Variants in CUX2 observed in about 807,000 individuals in gnomAD.
CUX2 encodes homeobox protein cut-like 2.
A neutral mutation model predicts 144.8 loss-of-function variants in CUX2; 40 were observed. That is an observed-to-expected ratio of 0.28 (90% CI 0.21 to 0.36). The LOEUF (loss-of-function observed/expected upper bound fraction) is 0.36. CUX2 is among the 10% of genes least tolerant of loss of function. The pLI, the probability that CUX2 is intolerant of heterozygous loss-of-function variation, is 1.00. For synonymous variants in CUX2, 827 were observed against 875.6 expected (o/e 0.94, Z 0.98); for missense variants, 1,615 against 1,994.0 (o/e 0.81, Z 3.62).
chr12:111,066,624 A>G lies in CUX2; in HGVS notation c.63+32384A>G, dbSNP rs531494665. 2.0e-5 allele frequency among the ~76,000 whole-genome samples: 3 copies of G among 152,320 alleles called. No individual in the cohort carries two copies. In the East Asian group the frequency reaches 5.8e-4, roughly 29 times the overall value. Reference sequence around the variant, plus strand: ...GAGGGGAGTTCACTTTATACAAGTGACAAGTATCTCTGCTAGAGGACACCA... The same window carrying G: ...GAGGGGAGTTCACTTTATACAAGTGGCAAGTATCTCTGCTAGAGGACACCA... On this transcript the variant is annotated intron_variant, in intron 1 of 21. Transcript: ENST00000261726.
At chr12:111,078,813 G>A (rs561693587) in intron 1 of CUX2, among the ~76,000 whole-genome samples, 1 of 152,280 alleles carries the variant, frequency 6.6e-6, no homozygotes, top group East Asian at 1.9e-4. Context: ...GGAGACCCCT[G>A]AGGGGTCTAC....
intron 4 of CUX2, among the ~76,000 whole-genome samples, chr12:111,281,795 T>G (rs1452994960): frequency 3.9e-5 from 6 of 152,104 alleles, no homozygotes; most frequent in Non-Finnish European, 8.8e-5. Flanking sequence ...AGGAGGCAGA[T>G]GCCAAGACAG....
intron 1 of CUX2, among the ~76,000 whole-genome samples, chr12:111,192,258 C>G (rs1004432551): frequency 2.6e-5 from 4 of 152,030 alleles, no homozygotes; most frequent in African/African-American, 9.7e-5. Context: ...TCCTGAGTAG[C>G]TAGGACTACA....
intron 1 of CUX2, among the ~76,000 whole-genome samples, chr12:111,088,738 C>T (rs775355191): frequency 1.3e-5 from 2 of 152,146 alleles, no homozygotes; most frequent in Non-Finnish European, 2.9e-5. Flanking sequence ...AGGCCCTGAG[C>T]CCTTAGTTCT....
intron 3 of CUX2, among the ~76,000 whole-genome samples, chr12:111,261,585 G>A (rs933528844): frequency 6.6e-6 from 1 of 152,094 alleles, no homozygotes. Flanking sequence ...ACTCACTCTT[G>A]TCCATCTAAG....
intron 1 of CUX2, among the ~76,000 whole-genome samples, chr12:111,096,380 A>T (rs1872816609): frequency 6.6e-6 from 1 of 152,130 alleles, no homozygotes; most frequent in East Asian, 1.9e-4. Context: ...AGTTGGGTTT[A>T]CCCAAATTAT....
At chr12:111,155,297 T>TTGAA (rs139361955) in intron 1 of CUX2, among the ~76,000 whole-genome samples, 1,763 of 152,162 alleles carry the variant, frequency 0.012, 45 homozygotes, top group African/African-American at 0.04. Flanking sequence ...GTCTTGAGGG[T>TTGAA]TGAATGAATG....
In CUX2 at chr12:111,048,178, G is replaced by T. The variant is rs78225588; in HGVS notation, c.63+13938G>T. Among the ~76,000 whole-genome samples the T allele has an allele frequency of 9.6e-3, 1,455 of 152,286 alleles. 27 individuals are homozygous for T. The highest frequency in any genetic ancestry group is 0.034 in the African/African-American group (1,402 of 41,550). ...TCATGGAAGTGGGAAGATACTGAGG[G>T]TCTAAAACGGGAGAAACGAGATCCA... On this transcript the variant is annotated intron_variant, in intron 1 of 21. Coordinates refer to ENST00000261726, the MANE Select transcript of CUX2 (RefSeq NM_015267.4).
intron 1 of CUX2, among the ~76,000 whole-genome samples, chr12:111,072,364 T>G (rs1386674926): frequency 6.6e-6 from 1 of 152,262 alleles, no homozygotes; most frequent in Non-Finnish European, 1.5e-5. Context: ...TTTATTTATA[T>G]ATAGTATTTA....
intron 21 of CUX2, among the ~76,000 whole-genome samples, chr12:111,342,980 A>T (rs931878270): frequency 2.9e-5 from 4 of 138,762 alleles, no homozygotes; most frequent in African/African-American, 8.2e-5. Context: ...AAAAAAAAAA[A>T]TCCAGCACAT....
intron 1 of CUX2, among the ~76,000 whole-genome samples, chr12:111,118,328 C>T (rs1369452217): frequency 6.6e-6 from 1 of 152,158 alleles, no homozygotes; most frequent in East Asian, 1.9e-4. Context: ...TTTACATCCA[C>T]CAAATGTGTA....
chr12:111,203,167 G>A (rs1880701312), intron 1 of CUX2, among the ~76,000 whole-genome samples: 1 of 150,744 alleles, frequency 6.6e-6, no homozygotes, highest in African/African-American at 2.5e-5. Context: ...AGGAGGCGGA[G>A]GTTGAAGTGA....
intron 18 of CUX2, among the ~76,000 whole-genome samples, chr12:111,326,526 T>C (rs967471564): frequency 1.3e-5 from 2 of 151,912 alleles, no homozygotes; most frequent in African/African-American, 4.8e-5. Context: ...AGACATAGTC[T>C]CACTCTGTCA....
rs1885944749 is a variant in CUX2, at chr12:111,295,747, G to C, written c.637+338G>C. ...AGCCTGGGCAACATGGCAAGACCCTGTCTCTAATTAATTAATTAATTAATT... is the reference window on the plus strand; with the variant it reads ...AGCCTGGGCAACATGGCAAGACCCTCTCTCTAATTAATTAATTAATTAATT... On this transcript the variant is annotated intron_variant, in intron 7 of 21. Coordinates refer to ENST00000261726, the MANE Select transcript of CUX2 (RefSeq NM_015267.4). The surrounding 1 kb of genome is among the most constrained non-coding windows in gnomAD (Gnocchi z 5.0). Among the ~76,000 whole-genome samples, 1 of 140,670 alleles carries C rather than the reference G, an allele frequency of 7.1e-6. No individual in the cohort carries two copies. Among genetic ancestry groups the C allele is most frequent in the Non-Finnish European group, 1.5e-5 (1 of 66,828 alleles). 92.3% of individuals were successfully genotyped at this position (140,670 alleles called of 152,430 possible). A position where few individuals can be genotyped will look rare whatever the true frequency, so the allele number is the denominator to read the frequency against.
chr12:111,163,824 C>T (rs1399020175), intron 1 of CUX2, among the ~76,000 whole-genome samples: 1 of 152,194 alleles, frequency 6.6e-6, no homozygotes, highest in African/African-American at 2.4e-5. Flanking sequence ...CTCACGCCCA[C>T]CCATGCTTGC....
chr12:111,211,886 CA>C (rs1169597609), intron 1 of CUX2, among the ~76,000 whole-genome samples: 2,752 of 84,592 alleles, frequency 0.033, 54 homozygotes, highest in African/African-American at 0.088. Context: ...GACTCCGTCT[CA>C]AAAAAAAAAA....
intron 1 of CUX2, among the ~76,000 whole-genome samples, chr12:111,116,153 A>G (rs979413950): frequency 6.6e-6 from 1 of 152,240 alleles, no homozygotes; most frequent in Admixed American, 6.5e-5. Flanking sequence ...ATTTTTAAAA[A>G]TGAAATTATA....
intron 1 of CUX2, among the ~76,000 whole-genome samples, chr12:111,038,152 G>T (rs567465904): frequency 6.6e-6 from 1 of 152,200 alleles, no homozygotes; most frequent in Non-Finnish European, 1.5e-5. Flanking sequence ...TTAGAAAAGA[G>T]CAGGGATGTG....
Position 111,200,271 on chromosome 12 carries a change from G to A in CUX2, c.64-13929G>A, listed in dbSNP as rs563727725. Among the ~76,000 whole-genome samples the A allele has an allele frequency of 2.0e-5, 3 of 152,116 alleles. No homozygotes were observed. In the South Asian group the frequency reaches 6.2e-4, roughly 32 times the overall value. ...TACAGGGGAGGCAGTTGGGGGTCTC[G>A]GGTGCAGCTTCAGGTAATTAAAGTC... On this transcript the variant is annotated intron_variant, in intron 1 of 21. Transcript: ENST00000261726.
Sources: allele counts gnomAD v4.1 joint callset (sites outside exome capture counted in the v4.1 genomes callset), GRCh38; gene constraint gnomAD v4.1.1; non-coding constraint Gnocchi (gnomAD v3.1); transcripts MANE v1.5; gene names NCBI Gene and HGNC (gene_info 2026-07-23, HGNC 2026-07-21).